The following RAB3IL1 variants were observed in gnomAD, a reference collection of about 807,000 sequenced individuals.
The protein encoded by RAB3IL1 is RAB3A interacting protein like 1.
Under a neutral mutation model 49.2 loss-of-function variants are expected in RAB3IL1, and 37 were observed. The ratio of observed to expected loss-of-function variants is 0.75; its 90% CI spans 0.58 to 0.99. The LOEUF is 0.99. Ranked by LOEUF, RAB3IL1 falls within the 50% of genes least tolerant of loss-of-function variation. RAB3IL1 has a pLI of 0.00. For synonymous variants in RAB3IL1, 193 were observed against 213.9 expected (o/e 0.90, Z 0.85); for missense variants, 484 against 513.0 (o/e 0.94, Z 0.55).
intron 1 of RAB3IL1, among the ~76,000 whole-genome samples, chr11:61,911,093 G>A (rs1939435282): frequency 1.3e-5 from 2 of 152,204 alleles, no homozygotes; most frequent in African/African-American, 4.8e-5. Flanking sequence ...TTCCCAACAG[G>A]CTCTCATTTT....
upstream of RAB3IL1, among the ~76,000 whole-genome samples, chr11:61,922,958 G>A (rs772921090): frequency 3.3e-5 from 5 of 152,244 alleles, no homozygotes; most frequent in East Asian, 1.9e-4. Context: ...TATGTGAAGG[G>A]TGGGGGTCTC....
In RAB3IL1 at chr11:61,913,268, G is replaced by A. The variant is rs560394340; in HGVS notation, c.11+4089C>T. Among the ~76,000 whole-genome samples, 6 of 152,274 alleles carry A rather than the reference G, an allele frequency of 3.9e-5. No individual in the cohort carries two copies. The East Asian group carries it at 1.2e-3, about 29-fold the overall frequency. ...ACCCGGGGATGAAAGAGATCGTCAT[G>A]AGTCTCACTGAATTGGGCCAGGAAC... On this transcript the variant is annotated intron_variant, in intron 1 of 9. Transcript: ENST00000394836.
chr11:61,920,073 C>T, upstream of RAB3IL1: 1 of 1,284,368 alleles, frequency 7.8e-7, no homozygotes, highest in East Asian at 3.0e-5. Context: ...CTCTCAAGTT[C>T]CCCTCAAGTA....
Position 61,898,428 on chromosome 11 carries a change from C to T in RAB3IL1, c.1067-68G>A, listed in dbSNP as rs545792599. The T allele has an allele frequency of 3.1e-5, 43 of 1,383,400 alleles. No homozygotes were observed. In the South Asian group the frequency reaches 4.9e-4, roughly 16 times the overall value. 85.7% of individuals were successfully genotyped at this position (1,383,400 alleles called of 1,614,324 possible). The stretch of plus-strand genomic sequence containing the variant: ...GTCACCTCGGGCAGATGGCCAGGTC[C>T]CCTCCTGTGGCTTTGGACAGAGCAG... On this transcript the variant is annotated intron_variant, in intron 9 of 9. Coordinates refer to ENST00000394836, the MANE Select transcript of RAB3IL1 (RefSeq NM_013401.4). The surrounding 1 kb of genome is among the most constrained non-coding windows in gnomAD (Gnocchi z 5.1).
At chr11:61,930,235 A>C in the RAB3IL1 span, among the ~76,000 whole-genome samples, 1 of 152,122 alleles carries the variant, frequency 6.6e-6, no homozygotes, top group Non-Finnish European at 1.5e-5. Flanking sequence ...AAGAATAGAA[A>C]ATAGAGAATG....
At chr11:61,925,945 G>T in the RAB3IL1 span, among the ~76,000 whole-genome samples, 1 of 152,050 alleles carries the variant, frequency 6.6e-6, no homozygotes. Context: ...AAGATTAAAT[G>T]GACAGCTGTG....
chr11:61,907,281 G>A, intron 4 of RAB3IL1, 112 bp downstream of exon 4: 1 of 1,132,082 alleles, frequency 8.8e-7, no homozygotes, highest in Non-Finnish European at 1.3e-6. Flanking sequence ...CATTCCTGCT[G>A]GCCCCACCGG....
Position 61,898,816 on chromosome 11 carries a change from A to G in RAB3IL1, c.1067-456T>C. ...TGGCCTCCAAGAGGACTTGACCCCC[A>G]GGATGGAGAGGAGATAGCTCCTTAC... On this transcript the variant is annotated intron_variant, in intron 9 of 9. Transcript: ENST00000394836. This position sits in a 1 kb window ranked among gnomAD's most constrained non-coding sequence, Gnocchi z 5.1. The G allele has an allele frequency of 2.1e-6, 1 of 467,898 alleles. No individual in the cohort carries two copies. The highest frequency in any genetic ancestry group is 4.3e-6 in the Non-Finnish European group (1 of 235,178). The allele number at this position is 467,898 out of a possible 1,614,324, so 29.0% of individuals were successfully genotyped here.
chr11:61,900,860 G>T (rs565424740), intron 8 of RAB3IL1, among the ~76,000 whole-genome samples: 1 of 152,284 alleles, frequency 6.6e-6, no homozygotes, highest in East Asian at 1.9e-4. Context: ...CATCTTTTGT[G>T]GGGCCTGCTG....
chr11:61,906,357 G>T lies in RAB3IL1; in HGVS notation c.657+109C>A. On this transcript the variant is annotated intron_variant, in intron 5 of 9. Transcript: ENST00000394836. This position sits in a 1 kb window ranked among gnomAD's most constrained non-coding sequence, Gnocchi z 4.6. Reference sequence around the variant, plus strand: ...CACATCCCAGAGAGGCGCAGGACAGGCTCCAGGTCACACAGCATGGGGCAG... The same window carrying T: ...CACATCCCAGAGAGGCGCAGGACAGTCTCCAGGTCACACAGCATGGGGCAG... 9.8e-7 allele frequency: 1 copy of T among 1,017,030 alleles called. No homozygotes were observed. Among genetic ancestry groups the T allele is most frequent in the Non-Finnish European group, 1.5e-6 (1 of 679,582 alleles). 63.0% of individuals were successfully genotyped at this position (1,017,030 alleles called of 1,614,324 possible).
chr11:61,934,450 G>GTATA, the RAB3IL1 span, among the ~76,000 whole-genome samples: 127 of 31,398 alleles, frequency 4.0e-3, 1 homozygote, highest in East Asian at 0.023. Flanking sequence ...GTGTGTGTAT[G>GTATA]TATATATATA....
intron 1 of RAB3IL1, among the ~76,000 whole-genome samples, chr11:61,913,980 G>C (rs1939572771): frequency 6.6e-6 from 1 of 152,208 alleles, no homozygotes; most frequent in African/African-American, 2.4e-5. Context: ...CCTGTTGAGG[G>C]GTAGAGTAGG....
intron 1 of RAB3IL1, among the ~76,000 whole-genome samples, chr11:61,913,834 G>A (rs769437899): frequency 3.9e-5 from 6 of 152,066 alleles, no homozygotes; most frequent in Non-Finnish European, 8.8e-5. Flanking sequence ...TCTCCCTCCC[G>A]CTACCTCATT....
chr11:61,923,792 G>C (rs1457804586), upstream of RAB3IL1, among the ~76,000 whole-genome samples: 1 of 152,216 alleles, frequency 6.6e-6, no homozygotes, highest in African/African-American at 2.4e-5. Context: ...GGAATGTTTT[G>C]CAGCCAAAGT....
intron 7 of RAB3IL1, among the ~76,000 whole-genome samples, chr11:61,903,851 G>T (rs1229155845): frequency 6.6e-6 from 1 of 151,970 alleles, no homozygotes; most frequent in Non-Finnish European, 1.5e-5. Context: ...CGCACTGGCT[G>T]GTGGGTTAAA....
At chr11:61,937,212 A>T in the RAB3IL1 span, among the ~76,000 whole-genome samples, 2 of 152,218 alleles carry the variant, frequency 1.3e-5, no homozygotes, top group Non-Finnish European at 2.9e-5. Flanking sequence ...AAGGTAGGGG[A>T]TGAAGCTATA....
the RAB3IL1 span, among the ~76,000 whole-genome samples, chr11:61,940,965 G>A: frequency 6.6e-6 from 1 of 151,888 alleles, no homozygotes. Flanking sequence ...GCACGTGCTT[G>A]TAATCCCAGC....
At chr11:61,910,892 C>T (rs1435029132) in intron 1 of RAB3IL1, among the ~76,000 whole-genome samples, 1 of 152,234 alleles carries the variant, frequency 6.6e-6, no homozygotes, top group Non-Finnish European at 1.5e-5. Flanking sequence ...GGTGACAGCA[C>T]AGGACAGGAC....
upstream of RAB3IL1, among the ~76,000 whole-genome samples, chr11:61,921,427 T>C (rs867007212): frequency 1.3e-5 from 2 of 152,142 alleles, no homozygotes; most frequent in African/African-American, 4.8e-5. Flanking sequence ...TGCCCATTCC[T>C]CTTCTTTCCA....
Sources: gnomAD v4.1 joint callset for allele counts (sites outside exome capture counted in the v4.1 genomes callset) on GRCh38, gnomAD v4.1.1 for gene constraint, Gnocchi (gnomAD v3.1) non-coding constraint, MANE v1.5 for transcripts, NCBI Gene and HGNC (gene_info 2026-07-23, HGNC 2026-07-21) for gene names.